RPP14: variants seen among roughly 807,000 people sequenced by gnomAD.
RPP14 encodes ribonuclease P protein subunit p14.
A neutral mutation model predicts 17.8 loss-of-function variants in RPP14; 19 were observed. The ratio of observed to expected loss-of-function variants is 1.07; its 90% CI spans 0.74 to 1.57. The LOEUF is 1.57. RPP14 is among the 40% of genes most tolerant of loss of function. The pLI is 0.00. For missense variants in RPP14, 125 were observed against 140.8 expected, an observed-to-expected ratio of 0.89 and a Z score of 0.57; for synonymous variants, 60 against 56.4, an observed-to-expected ratio of 1.06 and a Z score of -0.29.
rs374846251 is a variant in RPP14 at position 58,316,497 on chromosome 3, G to A, written c.163-18G>A. On this transcript the variant is annotated intron_variant, in intron 3 of 5. Coordinates refer to ENST00000295959, the MANE Select transcript of RPP14 (RefSeq NM_007042.6). Reference sequence around the variant, plus strand: ...TAATGGTGAGAATAGCCTGCTAATAGCATTATTCCATATGCAGGTTGATGC... The same window carrying A: ...TAATGGTGAGAATAGCCTGCTAATAACATTATTCCATATGCAGGTTGATGC... 8 of 1,606,294 alleles carry A rather than the reference G, an allele frequency of 5.0e-6. No homozygotes were observed. Among genetic ancestry groups the A allele is most frequent in the Non-Finnish European group, 6.8e-6 (8 of 1,173,052 alleles).
At position 58,316,520 on chromosome 3, in the gene RPP14, T is replaced by G; in HGVS notation, c.168T>G (p.Asp56Glu). ...TAGCATTATTCCATATGCAGGTTGA[T>G]GCCGCCTTACCTTTGGACATCCTAA... ...SAVKDLFGEV[D>E]AALPLDILTY... Residue 56 changes from aspartate (D) to glutamate (E), a missense_variant, in exon 4 of 6, where the codon GAT (aspartate) becomes GAG (glutamate). Transcript: ENST00000295959. 3 of 1,613,892 alleles carry G rather than the reference T, an allele frequency of 1.9e-6. No homozygotes were observed. The South Asian group carries it at 3.3e-5, about 18-fold the overall frequency.
chr3:58,314,283 G>A (rs1054051908), intron 3 of RPP14, among the ~76,000 whole-genome samples: 20 of 152,220 alleles, frequency 1.3e-4, no homozygotes, highest in Admixed American at 9.2e-4. Context: ...CCTGGGAGGC[G>A]GAGGTTGCAG....
intron 5 of RPP14, 68 bp from the exon 6 acceptor site, chr3:58,317,372 G>A: frequency 9.6e-7 from 1 of 1,036,700 alleles, no homozygotes; most frequent in Non-Finnish European, 1.5e-6. Context: ...AACTGGGCAT[G>A]TTTCCCCATT....
chr3:58,317,121 T>C (rs2097489136), intron 5 of RPP14, 128 bp downstream of exon 5: 1 of 688,644 alleles, frequency 1.5e-6, no homozygotes, highest in African/African-American at 1.8e-5. Flanking sequence ...TAGGGGAAAA[T>C]AAAGGACTTG....
rs537281864 is a variant in RPP14, at chr3:58,319,203, T to A, written c.*1707T>A. ...TTTAGACTGTTCTTCAGTATCTGAG[T>A]CAGAGTTTATTGTAATTTGTTATTT... On this transcript the variant is annotated 3_prime_UTR_variant, in exon 6 of 6. Transcript: ENST00000295959. The A allele has an allele frequency of 1.3e-5, 2 of 152,322 alleles. No homozygotes were observed. The highest frequency in any genetic ancestry group is 4.1e-4 in the South Asian group (2 of 4,822). 9.4% of individuals were successfully genotyped at this position (152,322 alleles called of 1,614,324 possible). A position where few individuals can be genotyped will look rare whatever the true frequency, so the allele number is the denominator to read the frequency against.
rs1163449116 is a variant in RPP14 at position 58,319,854 on chromosome 3, C to G, written c.*2358C>G. The G allele has an allele frequency of 1.3e-5, 2 of 152,024 alleles. No individual in the cohort carries two copies. The highest frequency in any genetic ancestry group is 2.9e-5 in the Non-Finnish European group (2 of 68,014). The allele number at this position is 152,024 out of a possible 1,614,324, so 9.4% of individuals were successfully genotyped here. ...GATATAATTCACATACCATAAAATT[C>G]ACCTTTTAAAAGTGTACAGTTTAGT... On this transcript the variant is annotated 3_prime_UTR_variant, in exon 6 of 6. Coordinates refer to ENST00000295959, the MANE Select transcript of RPP14 (RefSeq NM_007042.6).
rs1023231089 is a variant in RPP14 at position 58,316,176 on chromosome 3, A to G, written c.163-339A>G. ...TTCTTGTAGTAGGAAAACATGTTGG[A>G]CAATTAGTGACAAGAATAAAGGGAA... On this transcript the variant is annotated intron_variant, in intron 3 of 5. Transcript: ENST00000295959. Among the ~76,000 whole-genome samples the G allele has an allele frequency of 1.3e-4, 20 of 152,224 alleles. 1 individual carries two copies. Among genetic ancestry groups the G allele is most frequent in the South Asian group, 4.1e-4 (2 of 4,838 alleles).
chr3:58,316,657 T>C (rs2097488586), intron 4 of RPP14, 66 bp downstream of exon 4: 1 of 1,383,232 alleles, frequency 7.2e-7, no homozygotes, highest in Non-Finnish European at 1.0e-6. Flanking sequence ...AAAAATGCTC[T>C]CTTCTGAGAA....
At chr3:58,312,754 A>C (rs1183262609) in intron 3 of RPP14, among the ~76,000 whole-genome samples, 4 of 152,072 alleles carry the variant, frequency 2.6e-5, no homozygotes, top group Non-Finnish European at 5.9e-5. Context: ...TACAGTCAGG[A>C]GTTTGAGACT....
At position 58,317,591 on chromosome 3, in the gene RPP14, G is replaced by C. The variant is rs758708614; in HGVS notation, c.*95G>C. The C allele has an allele frequency of 1.1e-4, 95 of 875,428 alleles. No individual in the cohort carries two copies. Among genetic ancestry groups the C allele is most frequent in the Middle Eastern group, 4.3e-4 (2 of 4,604 alleles). 54.2% of individuals were successfully genotyped at this position (875,428 alleles called of 1,614,324 possible). ...AGACTGAAGCAGGCTAAAAGCTCTT[G>C]ATGAAATTTGAGGGTGCTGAAGATG... On this transcript the variant is annotated 3_prime_UTR_variant, in exon 6 of 6. Transcript: ENST00000295959.
chr3:58,307,941 C>A (rs2097477448), intron 1 of RPP14: 1 of 151,526 alleles, frequency 6.6e-6, no homozygotes, highest in Non-Finnish European at 1.5e-5. Flanking sequence ...ATTCACAACG[C>A]TGTGCAGCCA....
intron 1 of RPP14, among the ~76,000 whole-genome samples, chr3:58,308,816 G>A (rs571211689): frequency 1.1e-4 from 17 of 152,236 alleles, no homozygotes; most frequent in African/African-American, 3.9e-4. Context: ...GCATAACATG[G>A]GGGCTTAACT....
rs148351280 is a variant in RPP14 at position 58,311,494 on chromosome 3, C to G, written c.162+903C>G. 8.2e-3 allele frequency among the ~76,000 whole-genome samples: 1,250 copies of G among 152,262 alleles called. 16 individuals are homozygous for G. The highest frequency in any genetic ancestry group is 0.028 in the African/African-American group (1,165 of 41,544). On this transcript the variant is annotated intron_variant, in intron 3 of 5. Coordinates refer to ENST00000295959, the MANE Select transcript of RPP14 (RefSeq NM_007042.6). ...GCTCTCACATATGAGTGAGAACATG[C>G]AACAGTTGTCTTTCTGTGCCTGGCT...
chr3:58,310,446 C>G (rs1291095003), intron 2 of RPP14, 40 bp downstream of exon 2: 2 of 1,605,350 alleles, frequency 1.2e-6, no homozygotes, highest in Non-Finnish European at 1.7e-6. Flanking sequence ...GATTACTTTT[C>G]TAACATGAAT....
intron 3 of RPP14, among the ~76,000 whole-genome samples, chr3:58,315,315 A>G (rs80214063): frequency 0.017 from 2,516 of 152,108 alleles, 74 homozygotes; most frequent in African/African-American, 0.058. Flanking sequence ...GTTTCCATTT[A>G]TAGAAGACTC....
chr3:58,311,751 A>T (rs1255249996), intron 3 of RPP14, among the ~76,000 whole-genome samples: 2 of 149,426 alleles, frequency 1.3e-5, no homozygotes, highest in African/African-American at 5.0e-5. Context: ...AAGTGCTGGG[A>T]TGACAGCATG....
At chr3:58,317,204 C>G (rs561589669) in intron 5 of RPP14, among the ~76,000 whole-genome samples, 58 of 152,224 alleles carry the variant, frequency 3.8e-4, no homozygotes, top group Non-Finnish European at 7.2e-4. Flanking sequence ...ATAAAACTTG[C>G]AACCCTGTGG....
chr3:58,312,352 C>A (rs1260766822), intron 3 of RPP14, among the ~76,000 whole-genome samples: 1 of 139,122 alleles, frequency 7.2e-6, no homozygotes, highest in Admixed American at 7.4e-5. Context: ...CCGCCCCTCC[C>A]GGATTCAAGT....
rs1234392721 is a variant in RPP14, at chr3:58,316,976, G to A, written c.301G>A (p.Ala101Thr). The A allele has an allele frequency of 7.4e-6, 12 of 1,613,658 alleles. No individual in the cohort carries two copies. In the African/African-American group the frequency reaches 1.5e-4, roughly 20 times the overall value. The change falls in exon 5 of 6, where the codon GCT (alanine) becomes ACT (threonine). Residue 101 changes from alanine to threonine, a missense_variant. By Grantham distance (58) the Ala-to-Thr change is moderately conservative. Transcript: ENST00000295959. ...LLGSYKGKKCAFRVIQVSPFL... is the reference protein window; with the variant it reads ...LLGSYKGKKCTFRVIQVSPFL... ...AGGATCCTATAAAGGCAAAAAATGT[G>A]CTTTCCGGGTGATTCAGGTAAAGAC...
Sources: allele counts gnomAD v4.1 joint callset (sites outside exome capture counted in the v4.1 genomes callset), GRCh38; gene constraint gnomAD v4.1.1; transcripts MANE v1.5; gene names NCBI Gene and HGNC (gene_info 2026-07-23, HGNC 2026-07-21).